Variants in DENND5A observed in about 807,000 individuals in gnomAD.
DENND5A encodes the protein DENN domain containing 5A.
Under a neutral mutation model 140.3 loss-of-function variants are expected in DENND5A, and 64 were observed. That is an observed-to-expected ratio of 0.46 (90% CI 0.37 to 0.56). The LOEUF is 0.56. DENND5A is among the 20% of genes least tolerant of loss of function. DENND5A has a pLI of 0.00. For synonymous variants in DENND5A, 605 were observed against 607.7 expected, an observed-to-expected ratio of 1.00 and a Z score of 0.07; for missense variants, 1,292 against 1,593.8, an observed-to-expected ratio of 0.81 and a Z score of 3.22.
chr11:9,218,336 T>C (rs541597435), intron 1 of DENND5A, among the ~76,000 whole-genome samples: 40 of 152,124 alleles, frequency 2.6e-4, no homozygotes, highest in Non-Finnish European at 3.4e-4. Context: ...ACAGAAGAGT[T>C]AGCAAATAGA....
At chr11:9,250,177 T>C (rs1310090685) in intron 1 of DENND5A, among the ~76,000 whole-genome samples, 1 of 151,806 alleles carries the variant, frequency 6.6e-6, no homozygotes, top group Non-Finnish European at 1.5e-5. Context: ...TAGGCTACAC[T>C]GAGGGATTTC....
chr11:9,190,214 G>A (rs1324366673), intron 5 of DENND5A, among the ~76,000 whole-genome samples: 1 of 152,098 alleles, frequency 6.6e-6, no homozygotes, highest in Non-Finnish European at 1.5e-5. Context: ...TTAGACTATG[G>A]ACTTTTGAGT....
intron 17 of DENND5A, 184 bp from the exon 18 acceptor site, chr11:9,145,297 C>A: frequency 3.3e-6 from 2 of 597,786 alleles, no homozygotes; most frequent in Non-Finnish European, 5.9e-6. Context: ...GTGCCCAAGG[C>A]TGAGAAAGAA....
chr11:9,244,718 C>A (rs1851390987), intron 1 of DENND5A, among the ~76,000 whole-genome samples: 1 of 152,080 alleles, frequency 6.6e-6, no homozygotes, highest in Non-Finnish European at 1.5e-5. Context: ...CTCTGTCACT[C>A]AGGCTAGAGT....
chr11:9,182,780 G>A (rs1476712285), intron 5 of DENND5A, among the ~76,000 whole-genome samples: 2 of 152,172 alleles, frequency 1.3e-5, no homozygotes, highest in African/African-American at 4.8e-5. Context: ...AGGAGGAATA[G>A]AAAGAGACTG....
At chr11:9,222,124 T>C (rs2136236834) in intron 1 of DENND5A, among the ~76,000 whole-genome samples, 1 of 152,332 alleles carries the variant, frequency 6.6e-6, no homozygotes, top group South Asian at 2.1e-4. Flanking sequence ...GAGCTTTTTC[T>C]AACATTTTAT....
chr11:9,249,212 A>G (rs930983205), intron 1 of DENND5A, among the ~76,000 whole-genome samples: 1 of 151,880 alleles, frequency 6.6e-6, no homozygotes, highest in Non-Finnish European at 1.5e-5. Context: ...TGGGAGACAG[A>G]GCGAGACTCC....
intron 1 of DENND5A, among the ~76,000 whole-genome samples, chr11:9,210,453 G>C (rs753011503): frequency 6.6e-6 from 1 of 152,172 alleles, no homozygotes; most frequent in Non-Finnish European, 1.5e-5. Context: ...AATCATAACA[G>C]ACTTTTTTTT....
chr11:9,250,408 C>G (rs1395353740), intron 1 of DENND5A, among the ~76,000 whole-genome samples: 1 of 152,116 alleles, frequency 6.6e-6, no homozygotes, highest in African/African-American at 2.4e-5. Flanking sequence ...AACAAGCAAC[C>G]TGTCTCCTCT....
At chr11:9,235,213 A>G (rs1011405262) in intron 1 of DENND5A, among the ~76,000 whole-genome samples, 3 of 152,218 alleles carry the variant, frequency 2.0e-5, no homozygotes, top group African/African-American at 7.2e-5. Context: ...ACAGGCAAAA[A>G]GTGGAAACAA....
intron 1 of DENND5A, among the ~76,000 whole-genome samples, chr11:9,239,311 T>G (rs1418651089): frequency 7.4e-6 from 1 of 135,710 alleles, no homozygotes; most frequent in African/African-American, 2.8e-5. Context: ...GGACTACAAG[T>G]GCACACCACC....
intron 1 of DENND5A, among the ~76,000 whole-genome samples, chr11:9,235,175 A>C (rs549705795): frequency 6.6e-6 from 1 of 152,226 alleles, no homozygotes. Flanking sequence ...AAACTTGTAC[A>C]TGAATGTTCA....
chr11:9,186,791 T>G (rs2136186233), intron 5 of DENND5A, among the ~76,000 whole-genome samples: 1 of 152,158 alleles, frequency 6.6e-6, no homozygotes, highest in South Asian at 2.1e-4. Context: ...GAGACTGAGT[T>G]TTAAAAGAGC....
At chr11:9,221,641 C>T (rs1850316442) in intron 1 of DENND5A, among the ~76,000 whole-genome samples, 1 of 152,094 alleles carries the variant, frequency 6.6e-6, no homozygotes, top group African/African-American at 2.4e-5. Context: ...GCTGGGATTA[C>T]AGGCGTGAGC....
chr11:9,153,336 C>T (rs1441670306), intron 12 of DENND5A, among the ~76,000 whole-genome samples: 1 of 128,088 alleles, frequency 7.8e-6, no homozygotes, highest in South Asian at 2.5e-4. Flanking sequence ...CAGAATGAGG[C>T]TCCCTCTCAA....
At position 9,180,919 on chromosome 11, in the gene DENND5A, G is replaced by A. The variant is rs763554252; in HGVS notation, c.1303C>T (p.Leu435=). Residue 435 remains leucine (L), a synonymous_variant, in exon 6 of 23, where the codon CTG becomes TTG. Coordinates refer to ENST00000328194, the MANE Select transcript of DENND5A (RefSeq NM_015213.4). ...NLHCSESASK[L]KRLRASELVS... ...AGCTCAGAGGCCCGCAGCCTCTTCAGCTTGGAGGCACTCTCACTGCAATGA... is the reference window on the plus strand; with the variant it reads ...AGCTCAGAGGCCCGCAGCCTCTTCAACTTGGAGGCACTCTCACTGCAATGA... 18 of 1,614,052 alleles carry A rather than the reference G, an allele frequency of 1.1e-5. No individual in the cohort carries two copies. Among genetic ancestry groups the A allele is most frequent in the Non-Finnish European group, 1.5e-5 (18 of 1,180,050 alleles).
At chr11:9,236,178 G>C (rs2136262921) in intron 1 of DENND5A, among the ~76,000 whole-genome samples, 1 of 149,812 alleles carries the variant, frequency 6.7e-6, no homozygotes, top group Non-Finnish European at 1.5e-5. Context: ...AGCCATGTTT[G>C]CACCACTGCA....
At chr11:9,253,011 A>G (rs370757638) in intron 1 of DENND5A, among the ~76,000 whole-genome samples, 2 of 144,818 alleles carry the variant, frequency 1.4e-5, no homozygotes, top group East Asian at 3.9e-4. Flanking sequence ...CCACTACACC[A>G]GGCTAATTTT....
At chr11:9,192,816 A>C (rs1306258673) in intron 5 of DENND5A, among the ~76,000 whole-genome samples, 1 of 152,232 alleles carries the variant, frequency 6.6e-6, no homozygotes, top group Admixed American at 6.5e-5. Context: ...AACAGCCACA[A>C]AGTAACATAC....
Sources: gnomAD v4.1 joint callset for allele counts (sites outside exome capture counted in the v4.1 genomes callset) on GRCh38, gnomAD v4.1.1 for gene constraint, MANE v1.5 for transcripts, NCBI Gene and HGNC (gene_info 2026-07-23, HGNC 2026-07-21) for gene names.